SLC1A5: variants seen among roughly 807,000 people sequenced by gnomAD.
SLC1A5 encodes solute carrier family 1 member 5.
SLC1A5 carries 25 observed loss-of-function variants against 34.9 expected under a neutral mutation model. That is an observed-to-expected ratio of 0.72 (90% CI 0.52 to 1.00). The LOEUF (loss-of-function observed/expected upper bound fraction) is 1.00. SLC1A5 is among the 50% of genes least tolerant of loss of function. The probability of loss-of-function intolerance (pLI) is 0.00; values close to 1 mark genes in which losing one functional copy is unlikely to be tolerated. For synonymous variants in SLC1A5, 351 were observed against 341.2 expected (o/e 1.03, Z -0.32); for missense variants, 637 against 740.0 (o/e 0.86, Z 1.61).
In SLC1A5 at chr19:46,787,597, C is replaced by G. The variant is rs1355121429; in HGVS notation, c.369G>C (p.Ala123=). Residue 123 remains alanine, a synonymous_variant, in exon 1 of 8, where the codon GCG becomes GCC. Transcript: ENST00000542575. This position sits in a 1 kb window ranked among gnomAD's most constrained non-coding sequence, Gnocchi z 5.2. ...GCGCCCAGGCGCCCAGACGGCCGAG[C>G]GCGCCGGGGTCCAGGCTGGCGGCGC... ...IGGAASLDPG[A]LGRLGAWALL... is the part of the protein sequence containing the mutation. The G allele has an allele frequency of 5.8e-6, 9 of 1,561,004 alleles. No homozygotes were observed. In the Admixed American group the frequency reaches 9.6e-5, roughly 17 times the overall value.
intron 5 of SLC1A5, 45 bp from the exon 6 acceptor site, chr19:46,777,450 G>C: frequency 2.0e-6 from 3 of 1,536,442 alleles, no homozygotes; most frequent in Non-Finnish European, 2.6e-6. Flanking sequence ...TGCTGACCGG[G>C]GCTCCGCCCA....
intron 4 of SLC1A5, 37 bp downstream of exon 4, chr19:46,782,346 A>ACCCCCCCCCCCCCCCCCCCCCCACC: frequency 1.2e-5 from 7 of 567,982 alleles, no homozygotes; most frequent in East Asian, 3.6e-5. Flanking sequence ...CGACCCTCCA[A>ACCCCCCCCCCCCCCCCCCCCCCACC]CCCCACCCAC....
intron 4 of SLC1A5, among the ~76,000 whole-genome samples, chr19:46,780,020 T>G (rs141539557): frequency 0.026 from 3,941 of 152,108 alleles, 137 homozygotes; most frequent in African/African-American, 0.085. Flanking sequence ...GCCCAGCTAA[T>G]TTTTTGTATT....
At chr19:46,776,029 A>G (rs185868652) in intron 7 of SLC1A5, among the ~76,000 whole-genome samples, 12 of 151,906 alleles carry the variant, frequency 7.9e-5, no homozygotes, top group Admixed American at 3.3e-4. Context: ...TGCAGTGATC[A>G]CAACCATGAT....
intron 4 of SLC1A5, among the ~76,000 whole-genome samples, chr19:46,782,147 C>G (rs370859442): frequency 6.6e-6 from 1 of 152,106 alleles, no homozygotes; most frequent in Non-Finnish European, 1.5e-5. Flanking sequence ...CCACCCACCT[C>G]CTCCCAAAGT....
In SLC1A5 at chr19:46,778,700, C is replaced by T; in HGVS notation, c.1033G>A (p.Ala345Thr). Residue 345 changes from alanine to threonine, a missense_variant, in exon 5 of 8, where the codon GCC (alanine) becomes ACC (threonine). Coordinates refer to ENST00000542575, the MANE Select transcript of SLC1A5 (RefSeq NM_005628.3). Reference protein sequence around the residue: ...RFLWGIVTPLATAFGTSSSSA... With the variant: ...RFLWGIVTPLTTAFGTSSSSA... ...CTGGAAGAGGTCCCAAAGGCAGTGG[C>T]CAGCGGCGTCACGATGCCCCACAGG... 6.8e-7 allele frequency: 1 copy of T among 1,462,580 alleles called. No homozygotes were observed. 90.6% of individuals were successfully genotyped at this position (1,462,580 alleles called of 1,614,324 possible).
At position 46,778,686 on chromosome 19, in the gene SLC1A5, C is replaced by T. The variant is rs760091833; in HGVS notation, c.1047G>A (p.Gly349=). The change falls in exon 5 of 8, where the codon GGG becomes GGA. Residue 349 remains glycine (G), a synonymous_variant. Coordinates refer to ENST00000542575, the MANE Select transcript of SLC1A5 (RefSeq NM_005628.3). The stretch of plus-strand genomic sequence containing the variant: ...CCCCAAGGCCGTACCTGGAAGAGGT[C>T]CCAAAGGCAGTGGCCAGCGGCGTCA... ...GIVTPLATAF[G]TSSSSATLPL... 22 of 1,163,650 alleles carry T rather than the reference C, an allele frequency of 1.9e-5. No individual in the cohort carries two copies. In the South Asian group the frequency reaches 2.6e-4, roughly 14 times the overall value. 72.1% of individuals were successfully genotyped at this position (1,163,650 alleles called of 1,614,324 possible).
Position 46,775,089 on chromosome 19 carries a change from A to G in SLC1A5, c.*421T>C. 2.0e-6 allele frequency: 2 copies of G among 1,009,030 alleles called. No individual in the cohort carries two copies. The highest frequency in any genetic ancestry group is 2.4e-6 in the Non-Finnish European group (2 of 844,756). The allele number at this position is 1,009,030 out of a possible 1,614,324, so 62.5% of individuals were successfully genotyped here. On this transcript the variant is annotated 3_prime_UTR_variant, in exon 8 of 8. Transcript: ENST00000542575. ...CACACACACACACACACACACACACACGTGCACACACACATCCCCCCACAA... is the reference window on the plus strand; with the variant it reads ...CACACACACACACACACACACACACGCGTGCACACACACATCCCCCCACAA...
At chr19:46,784,870 C>T (rs957504789) in intron 1 of SLC1A5, 6 of 1,370,546 alleles carry the variant, frequency 4.4e-6, no homozygotes, top group Non-Finnish European at 5.6e-6. Flanking sequence ...GCCTCAGCTC[C>T]ACCCCATGCA....
Position 46,777,303 on chromosome 19 carries a change from C to A in SLC1A5, c.1161G>T (p.Met387Ile), listed in dbSNP as rs773026198. 6.2e-7 allele frequency: 1 copy of A among 1,613,752 alleles called. No individual in the cohort carries two copies. The highest frequency in any genetic ancestry group is 8.5e-7 in the Non-Finnish European group (1 of 1,179,938). The change falls in exon 6 of 8, where the codon ATG becomes ATT. Residue 387 changes from methionine to isoleucine, a missense_variant. Transcript: ENST00000542575. ...CGCACTGGAAGAGCGCGGCACCGTC[C>A]ATGTTGACGGTGGCGCCGATGGGCA... ...FILPIGATVN[M>I]DGAALFQCVA...
intron 2 of SLC1A5, 54 bp from the exon 3 acceptor site, chr19:46,784,198 C>A: frequency 7.5e-7 from 1 of 1,335,218 alleles, no homozygotes; most frequent in Non-Finnish European, 1.1e-6. Context: ...GCCTCCCAAC[C>A]CCATGCCAAG....
intron 4 of SLC1A5, among the ~76,000 whole-genome samples, chr19:46,782,040 C>G (rs1390256224): frequency 6.6e-6 from 1 of 152,050 alleles, no homozygotes; most frequent in Non-Finnish European, 1.5e-5. Context: ...ATTACAGGTG[C>G]GTGTCCCCAT....
chr19:46,782,374 A>AACCCC lies in SLC1A5; in HGVS notation c.824+8_824+9insGGGGT. ...CCACCCACCCCCAGCCTCCTCTCCC[A>AACCCC]CCACCTACCACATGATCCAGGAGAC... On this transcript the variant is annotated intron_variant, in intron 4 of 7. Transcript: ENST00000542575. The AACCCC allele has an allele frequency of 6.2e-5, 15 of 240,132 alleles. No individual in the cohort carries two copies. Among genetic ancestry groups the AACCCC allele is most frequent in the African/African-American group, 1.1e-4 (1 of 9,102 alleles). The allele number at this position is 240,132 out of a possible 1,614,324, so 14.9% of individuals were successfully genotyped here.
At chr19:46,780,222 C>T (rs537861045) in intron 4 of SLC1A5, among the ~76,000 whole-genome samples, 9 of 152,094 alleles carry the variant, frequency 5.9e-5, no homozygotes, top group African/African-American at 2.2e-4. Flanking sequence ...TAGTCCCAGC[C>T]ACTTAGGAGG....
Position 46,774,941 on chromosome 19 carries a change from GTATT to G in SLC1A5, c.*565_*568del, listed in dbSNP as rs1429524786. ...AAAATGTCCTCTGGAGTGACAGCAG[GTATT>G]TGTCCTCAGCCTCTCCCCAGAGTCC... On this transcript the variant is annotated 3_prime_UTR_variant, in exon 8 of 8. Transcript: ENST00000542575. The G allele has an allele frequency of 1.0e-6, 1 of 985,930 alleles. No homozygotes were observed. The highest frequency in any genetic ancestry group is 1.1e-4 in the East Asian group (1 of 8,828). The allele number at this position is 985,930 out of a possible 1,614,324, so 61.1% of individuals were successfully genotyped here. A position where few individuals can be genotyped will look rare whatever the true frequency, so the allele number is the denominator to read the frequency against.
At chr19:46,782,345 A>ACCCCCCCCCCCCCCC in intron 4 of SLC1A5, 38 bp downstream of exon 4, 26 of 292,418 alleles carry the variant, frequency 8.9e-5, no homozygotes, top group East Asian at 1.5e-4. Flanking sequence ...CCGACCCTCC[A>ACCCCCCCCCCCCCCC]ACCCCACCCA....
chr19:46,775,681 G>T lies in SLC1A5; in HGVS notation c.1455C>A (p.Tyr485Ter), dbSNP rs1060043. 1 of 1,613,898 alleles carries T rather than the reference G, an allele frequency of 6.2e-7. No individual in the cohort carries two copies. Among genetic ancestry groups the T allele is most frequent in the South Asian group, 1.1e-5 (1 of 91,066 alleles). Residue 485 changes from tyrosine (Y) to a stop codon, truncating the protein, a stop_gained, in exon 8 of 8, where the codon TAC becomes TAA. Transcript: ENST00000542575. LOFTEE classifies it low-confidence loss of function (END_TRUNC). ...TGCTTCTCGACTCCGTACGGTCCAC[G>T]TAATTTTGGAGGAGTCCTGCCCCCA... Reference protein sequence around the residue: ...DALGAGLLQNYVDRTESRSTE... With the variant: ...DALGAGLLQN
chr19:46,782,479 A>C lies in SLC1A5; in HGVS notation c.728T>G (p.Val243Gly). 2.5e-6 allele frequency: 4 copies of C among 1,613,944 alleles called. No individual in the cohort carries two copies. The highest frequency in any genetic ancestry group is 3.4e-6 in the Non-Finnish European group (4 of 1,180,002). The part of the protein sequence containing the change: ...GLVVFAIVFG[V>G]ALRKLGPEGE... ...TTCAGGCCCCAGCTTCCGCAGCGCC[A>C]CACCAAAGACGATGGCAAACACTAC... Residue 243 changes from valine (V) to glycine (G), a missense_variant, in exon 4 of 8, where the codon GTG (valine) becomes GGG (glycine). Transcript: ENST00000542575.
chr19:46,781,772 G>C (rs1177863766), intron 4 of SLC1A5, among the ~76,000 whole-genome samples: 1 of 152,162 alleles, frequency 6.6e-6, no homozygotes, highest in Non-Finnish European at 1.5e-5. Flanking sequence ...AGATACCCAA[G>C]TTCTGGCCAG....
Sources: gnomAD v4.1 joint callset for allele counts (sites outside exome capture counted in the v4.1 genomes callset) on GRCh38, gnomAD v4.1.1 for gene constraint, Gnocchi (gnomAD v3.1) non-coding constraint, MANE v1.5 for transcripts, NCBI Gene and HGNC (gene_info 2026-07-23, HGNC 2026-07-21) for gene names.